Variants in STUB1 observed in about 807,000 individuals in gnomAD.
The protein encoded by STUB1 is STIP1 homology and U-box containing protein 1.
STUB1 carries 37 observed loss-of-function variants against 40.3 expected under a neutral mutation model. The observed-to-expected ratio is 0.92, with a 90% CI of 0.71 to 1.21. The LOEUF (loss-of-function observed/expected upper bound fraction) is 1.21. Ranked by LOEUF, STUB1 falls within the 50% of genes most tolerant of loss-of-function variation. The pLI is 0.00. For missense variants in STUB1, 460 were observed against 421.9 expected, an observed-to-expected ratio of 1.09 and a Z score of -0.79; for synonymous variants, 246 against 171.9, an observed-to-expected ratio of 1.43 and a Z score of -3.37.
rs767441746 is a variant in STUB1 at position 682,065 on chromosome 16, G to A, written c.658G>A (p.Glu220Lys). ...DMDELFSQVD[E>K]KRKKRDIPDY... The stretch of plus-strand genomic sequence containing the variant: ...GGACGAGCTTTTTTCTCAGGTGGAT[G>A]AGAAGAGGAAGGTGAGTGTGTGTCG... The change falls in exon 5 of 7, where the codon GAG (glutamate) becomes AAG (lysine). Residue 220 changes from glutamate to lysine, a missense_variant. Glu to Lys is a moderately conservative substitution (Grantham distance 56). Coordinates refer to ENST00000219548, the MANE Select transcript of STUB1 (RefSeq NM_005861.4). The A allele has an allele frequency of 2.5e-6, 4 of 1,584,030 alleles. No individual in the cohort carries two copies. Among genetic ancestry groups the A allele is most frequent in the African/African-American group, 1.3e-5 (1 of 74,620 alleles).
chr16:682,160 C>A lies in STUB1; in HGVS notation c.670-5C>A. ...AGCCTCTGACCGTGTGCCCCTGTGC[C>A]ACAGAAGCGAGACATCCCCGACTAC... On this transcript the variant is annotated splice_region_variant and splice_polypyrimidine_tract_variant and intron_variant, in intron 5 of 6. Transcript: ENST00000219548. 6.2e-7 allele frequency: 1 copy of A among 1,603,312 alleles called. No homozygotes were observed. The highest frequency in any genetic ancestry group is 1.1e-5 in the South Asian group (1 of 90,838).
Position 682,353 on chromosome 16 carries a change from T to G in STUB1, c.787-11T>G, listed in dbSNP as rs781235043. On this transcript the variant is annotated splice_polypyrimidine_tract_variant and intron_variant, in intron 6 of 6. Coordinates refer to ENST00000219548, the MANE Select transcript of STUB1 (RefSeq NM_005861.4). ...CCCCATGACTGCCCTCTGCCCTTCT[T>G]GTCACTGCAGCGTGTGGGTCATTTT... 6.2e-7 allele frequency: 1 copy of G among 1,613,144 alleles called. No homozygotes were observed. The highest frequency in any genetic ancestry group is 1.1e-5 in the South Asian group (1 of 91,086).
chr16:682,403 A>T lies in STUB1; in HGVS notation c.826A>T (p.Thr276Ser). 3 of 1,613,306 alleles carry T rather than the reference A, an allele frequency of 1.9e-6. No homozygotes were observed. Among genetic ancestry groups the T allele is most frequent in the Non-Finnish European group, 2.5e-6 (3 of 1,179,994 alleles). Residue 276 changes from threonine to serine, a missense_variant, in exon 7 of 7, where the codon ACC becomes TCC. By Grantham distance (58) the Thr-to-Ser change is moderately conservative. Coordinates refer to ENST00000219548, the MANE Select transcript of STUB1 (RefSeq NM_005861.4). The part of the protein sequence containing the change: ...HFDPVTRSPL[T>S]QEQLIPNLAM... ...TGACCCCGTGACCCGGAGCCCCCTGACCCAGGAACAGCTCATCCCCAACTT... is the reference window on the plus strand; with the variant it reads ...TGACCCCGTGACCCGGAGCCCCCTGTCCCAGGAACAGCTCATCCCCAACTT...
At position 680,936 on chromosome 16, in the gene STUB1, C is replaced by T; in HGVS notation, c.160-216C>T. The stretch of plus-strand genomic sequence containing the variant: ...CCCCAGGTCCTAAGCCCGGACTCTC[C>T]AAAGATTTGGAAAACTTTACAAAAC... On this transcript the variant is annotated intron_variant, in intron 1 of 6. Transcript: ENST00000219548. The surrounding 1 kb of genome is among the most constrained non-coding windows in gnomAD (Gnocchi z 4.9). 1.5e-6 allele frequency: 1 copy of T among 689,176 alleles called. No homozygotes were observed. The allele number at this position is 689,176 out of a possible 1,614,324, so 42.7% of individuals were successfully genotyped here. A position where few individuals can be genotyped will look rare whatever the true frequency, so the allele number is the denominator to read the frequency against.
At position 682,692 on chromosome 16, in the gene STUB1, G is replaced by C; in HGVS notation, c.*203G>C. The C allele has an allele frequency of 6.9e-7, 1 of 1,457,714 alleles. No homozygotes were observed. The highest frequency in any genetic ancestry group is 2.4e-5 in the East Asian group (1 of 42,126). The allele number at this position is 1,457,714 out of a possible 1,614,324, so 90.3% of individuals were successfully genotyped here. On this transcript the variant is annotated 3_prime_UTR_variant, in exon 7 of 7. Coordinates refer to ENST00000219548, the MANE Select transcript of STUB1 (RefSeq NM_005861.4). The stretch of plus-strand genomic sequence containing the variant: ...TGGGCTGGAAAAGCAGGTGAGGGTG[G>C]GCTGGGCTGAGGCCATTGCCGCCAC...
rs763455015 is a variant in STUB1 at position 681,796 on chromosome 16, G to A, written c.528G>A (p.Glu176=). Reference sequence around the variant, plus strand: ...CCGGCTCCTGGTCAACCCCCAGGGAGCTGGAAGAGTGCCAGCGAAACCACG... The same window carrying A: ...CCGGCTCCTGGTCAACCCCCAGGGAACTGGAAGAGTGCCAGCGAAACCACG... The part of the protein sequence containing the change: ...SRLIAAERER[E]LEECQRNHEG... Residue 176 remains glutamate, a synonymous_variant, in exon 4 of 7, where the codon GAG becomes GAA. Coordinates refer to ENST00000219548, the MANE Select transcript of STUB1 (RefSeq NM_005861.4). 1.3e-5 allele frequency: 21 copies of A among 1,597,602 alleles called. No homozygotes were observed. The South Asian group carries it at 1.9e-4, about 14-fold the overall frequency.
rs973153098 is a variant in STUB1 at position 681,623 on chromosome 16, C to G, written c.524+20C>G. 4 of 1,596,624 alleles carry G rather than the reference C, an allele frequency of 2.5e-6. No homozygotes were observed. The African/African-American group carries it at 4.0e-5, about 16-fold the overall frequency. ...TGAGAGGTGGGACCCTCACCCCAGG[C>G]CGCCCTGTCTTGGGATAATTCTGAA... On this transcript the variant is annotated intron_variant, in intron 3 of 6. Transcript: ENST00000219548.
In STUB1 at chr16:682,791, T is replaced by C. The variant is rs772457620; in HGVS notation, c.*302T>C. ...TGACCGGCAGTCCTGCCAGCTGTTTTGGCTAGCCGAGGAAGGTGGAGATGA... is the reference window on the plus strand; with the variant it reads ...TGACCGGCAGTCCTGCCAGCTGTTTCGGCTAGCCGAGGAAGGTGGAGATGA... On this transcript the variant is annotated 3_prime_UTR_variant, in exon 7 of 7. Coordinates refer to ENST00000219548, the MANE Select transcript of STUB1 (RefSeq NM_005861.4). 4 of 1,612,896 alleles carry C rather than the reference T, an allele frequency of 2.5e-6. No homozygotes were observed. Among genetic ancestry groups the C allele is most frequent in the Admixed American group, 3.3e-5 (2 of 60,008 alleles).
chr16:682,378 T>C lies in STUB1; in HGVS notation c.801T>C (p.Phe267=). ...TGTCACTGCAGCGTGTGGGTCATTT[T>C]GACCCCGTGACCCGGAGCCCCCTGA... ...IEEHLQRVGH[F]DPVTRSPLTQ... The change falls in exon 7 of 7, where the codon TTT becomes TTC. Residue 267 remains phenylalanine, a synonymous_variant. Coordinates refer to ENST00000219548, the MANE Select transcript of STUB1 (RefSeq NM_005861.4). The C allele has an allele frequency of 6.2e-7, 1 of 1,613,258 alleles. No homozygotes were observed. The highest frequency in any genetic ancestry group is 8.5e-7 in the Non-Finnish European group (1 of 1,179,986).
In STUB1 at chr16:680,673, G is replaced by A. The variant is rs2039635174; in HGVS notation, c.148G>A (p.Gly50Ser). The change falls in exon 1 of 7, where the codon GGC becomes AGC. Residue 50 changes from glycine (G) to serine (S), a missense_variant. Gly to Ser is a moderately conservative substitution (Grantham distance 56, BLOSUM62 0). Coordinates refer to ENST00000219548, the MANE Select transcript of STUB1 (RefSeq NM_005861.4). This position sits in a 1 kb window ranked among gnomAD's most constrained non-coding sequence, Gnocchi z 4.9. ...GTACCCGGAGGCGGCGGCCTGCTAC[G>A]GCCGCGCGATCGTGAGTGCGCCCGC... Reference protein sequence around the residue: ...RKYPEAAACYGRAITRNPLVA... With the variant: ...RKYPEAAACYSRAITRNPLVA... The A allele has an allele frequency of 3.1e-6, 4 of 1,277,828 alleles. No homozygotes were observed. The highest frequency in any genetic ancestry group is 4.0e-6 in the Non-Finnish European group (4 of 1,004,324). The allele number at this position is 1,277,828 out of a possible 1,614,324, so 79.2% of individuals were successfully genotyped here. A position where few individuals can be genotyped will look rare whatever the true frequency, so the allele number is the denominator to read the frequency against.
chr16:681,242 C>T lies in STUB1; in HGVS notation c.250C>T (p.Arg84Trp). 1 of 1,612,402 alleles carries T rather than the reference C, an allele frequency of 6.2e-7. No homozygotes were observed. Among genetic ancestry groups the T allele is most frequent in the Non-Finnish European group, 8.5e-7 (1 of 1,179,812 alleles). The part of the protein sequence containing the change: ...QQHEQALADC[R>W]RALELDGQSV... ...GCACGAGCAGGCCCTGGCCGACTGCCGGCGCGCCCTGGAGCTGGACGGGCA... is the reference window on the plus strand; with the variant it reads ...GCACGAGCAGGCCCTGGCCGACTGCTGGCGCGCCCTGGAGCTGGACGGGCA... The change falls in exon 2 of 7, where the codon CGG becomes TGG. Residue 84 changes from arginine (R) to tryptophan (W), a missense_variant. Arg to Trp is a moderately radical substitution (Grantham distance 101). Coordinates refer to ENST00000219548, the MANE Select transcript of STUB1 (RefSeq NM_005861.4).
rs762574295 is a variant in STUB1, at chr16:681,352, T to G, written c.358+2T>G. On this transcript the variant is annotated splice_donor_variant, in intron 2 of 6. Coordinates refer to ENST00000219548, the MANE Select transcript of STUB1 (RefSeq NM_005861.4). LOFTEE classifies it high-confidence loss of function. ...AGGCCATCGCCAATCTGCAGCGAGG[T>G]TGGCTGACAAGCTGCCCGGTTGTGG... 6.2e-7 allele frequency: 1 copy of G among 1,612,460 alleles called. No individual in the cohort carries two copies. The highest frequency in any genetic ancestry group is 8.5e-7 in the Non-Finnish European group (1 of 1,179,784).
rs929099236 is a variant in STUB1 at position 681,824 on chromosome 16, G to A, written c.556G>A (p.Gly186Ser). 10 of 1,608,832 alleles carry A rather than the reference G, an allele frequency of 6.2e-6. No individual in the cohort carries two copies. The African/African-American group carries it at 1.1e-4, about 17-fold the overall frequency. ...ELEECQRNHE[G>S]DEDDSHVRAQ... is the part of the protein sequence containing the mutation. ...GGAAGAGTGCCAGCGAAACCACGAG[G>A]GTGATGAGGACGACAGCCACGTCCG... Residue 186 changes from glycine to serine, a missense_variant, in exon 4 of 7, where the codon GGT becomes AGT. Transcript: ENST00000219548.
chr16:682,637 C>G lies in STUB1; in HGVS notation c.*148C>G, dbSNP rs1415453593. 12 of 1,432,896 alleles carry G rather than the reference C, an allele frequency of 8.4e-6. No individual in the cohort carries two copies. The highest frequency in any genetic ancestry group is 1.1e-5 in the Non-Finnish European group (12 of 1,049,412). The allele number at this position is 1,432,896 out of a possible 1,614,324, so 88.8% of individuals were successfully genotyped here. A position where few individuals can be genotyped will look rare whatever the true frequency, so the allele number is the denominator to read the frequency against. ...TGGACTGTTTCCCCTCTCAGCATCG[C>G]TTTTGCTGGGCCGTGATCGTCCCCC... On this transcript the variant is annotated 3_prime_UTR_variant, in exon 7 of 7. Coordinates refer to ENST00000219548, the MANE Select transcript of STUB1 (RefSeq NM_005861.4).
chr16:681,827 G>C lies in STUB1; in HGVS notation c.559G>C (p.Asp187His). The change falls in exon 4 of 7, where the codon GAT (aspartate) becomes CAT (histidine). Residue 187 changes from aspartate to histidine, a missense_variant. Physicochemically the swap from Asp to His is moderately conservative, Grantham distance 81. Transcript: ENST00000219548. ...LEECQRNHEGDEDDSHVRAQQ... is the reference protein window; with the variant it reads ...LEECQRNHEGHEDDSHVRAQQ... ...AGAGTGCCAGCGAAACCACGAGGGTGATGAGGACGACAGCCACGTCCGGGC... is the reference window on the plus strand; with the variant it reads ...AGAGTGCCAGCGAAACCACGAGGGTCATGAGGACGACAGCCACGTCCGGGC... 1 of 1,609,436 alleles carries C rather than the reference G, an allele frequency of 6.2e-7. No homozygotes were observed. Among genetic ancestry groups the C allele is most frequent in the South Asian group, 1.1e-5 (1 of 90,870 alleles).
At position 680,726 on chromosome 16, in the gene STUB1, G is replaced by T; in HGVS notation, c.159+42G>T. On this transcript the variant is annotated intron_variant, in intron 1 of 6. Coordinates refer to ENST00000219548, the MANE Select transcript of STUB1 (RefSeq NM_005861.4). The surrounding 1 kb of genome is among the most constrained non-coding windows in gnomAD (Gnocchi z 4.9). ...GGGGAGGGCGGCGGCGGTGGCACCG[G>T]GGAGGGCCGGGCCCGGGCCCGGCCG... The T allele has an allele frequency of 8.4e-7, 1 of 1,197,554 alleles. No homozygotes were observed. The highest frequency in any genetic ancestry group is 1.0e-6 in the Non-Finnish European group (1 of 963,818). 74.2% of individuals were successfully genotyped at this position (1,197,554 alleles called of 1,614,324 possible).
At position 680,754 on chromosome 16, in the gene STUB1, C is replaced by A; in HGVS notation, c.159+70C>A. 1 of 1,156,228 alleles carries A rather than the reference C, an allele frequency of 8.6e-7. No individual in the cohort carries two copies. Among genetic ancestry groups the A allele is most frequent in the Non-Finnish European group, 1.1e-6 (1 of 932,464 alleles). The allele number at this position is 1,156,228 out of a possible 1,614,324, so 71.6% of individuals were successfully genotyped here. A position where few individuals can be genotyped will look rare whatever the true frequency, so the allele number is the denominator to read the frequency against. ...AGGGCCGGGCCCGGGCCCGGCCGGC[C>A]CCACCGAGGGTCTGGCTCCTCTTCG... On this transcript the variant is annotated intron_variant, in intron 1 of 6. Transcript: ENST00000219548. This position sits in a 1 kb window ranked among gnomAD's most constrained non-coding sequence, Gnocchi z 4.9.
At position 681,472 on chromosome 16, in the gene STUB1, C is replaced by T. The variant is rs143361117; in HGVS notation, c.393C>T (p.Phe131=). 5.8e-5 allele frequency: 94 copies of T among 1,612,510 alleles called. No individual in the cohort carries two copies. Among genetic ancestry groups the T allele is most frequent in the Non-Finnish European group, 7.3e-5 (86 of 1,179,884 alleles). Residue 131 remains phenylalanine (F), a synonymous_variant, in exon 3 of 7, where the codon TTC becomes TTT. Transcript: ENST00000219548. ...TGGCCAAGGAGCAGCGGCTGAACTT[C>T]GGGGACGACATCCCCAGCGCTCTTC... is the stretch of plus-strand genomic sequence containing the variant. ...YSLAKEQRLN[F]GDDIPSALRI...
At chr16:681,630 G>C (rs1319604462) in intron 3 of STUB1, 27 bp downstream of exon 3, 1 of 1,589,332 alleles carries the variant, frequency 6.3e-7, no homozygotes. Context: ...AGGCCGCCCT[G>C]TCTTGGGATA....
Sources: gnomAD v4.1 joint callset for allele counts on GRCh38, gnomAD v4.1.1 for gene constraint, Gnocchi (gnomAD v3.1) non-coding constraint, MANE v1.5 for transcripts, NCBI Gene and HGNC (gene_info 2026-07-23, HGNC 2026-07-21) for gene names.